The following CAMKMT variants were observed in gnomAD, a reference collection of about 807,000 sequenced individuals.
The protein encoded by CAMKMT is CaM KMT.
A neutral mutation model predicts 48.0 loss-of-function variants in CAMKMT; 53 were observed. That is an observed-to-expected ratio of 1.10 (90% CI 0.89 to 1.39). The LOEUF is 1.39. Ranked by LOEUF, CAMKMT falls within the 40% of genes most tolerant of loss-of-function variation. The pLI, the probability that CAMKMT is intolerant of heterozygous loss-of-function variation, is 0.00. For synonymous variants in CAMKMT, 165 were observed against 152.3 expected (o/e 1.08, Z -0.61); for missense variants, 428 against 402.7 (o/e 1.06, Z -0.54).
chr2:44,619,522 A>G (rs1255283136), intron 3 of CAMKMT, among the ~76,000 whole-genome samples: 1 of 152,186 alleles, frequency 6.6e-6, no homozygotes, highest in Non-Finnish European at 1.5e-5. Context: ...TAAATAATTC[A>G]TGTTTTGTAA....
At chr2:44,552,242 A>G (rs1367770438) in intron 3 of CAMKMT, among the ~76,000 whole-genome samples, 4 of 152,132 alleles carry the variant, frequency 2.6e-5, no homozygotes, top group African/African-American at 4.8e-5. Flanking sequence ...GTTTGAATGT[A>G]TGTTCACAGT....
intron 2 of CAMKMT, among the ~76,000 whole-genome samples, chr2:44,376,217 C>T (rs1021849101): frequency 6.6e-6 from 1 of 151,922 alleles, no homozygotes; most frequent in Non-Finnish European, 1.5e-5. Flanking sequence ...TTGAGACCAG[C>T]CTGGCCAACA....
chr2:44,615,986 G>C (rs533358185), intron 3 of CAMKMT, among the ~76,000 whole-genome samples: 1 of 152,136 alleles, frequency 6.6e-6, no homozygotes, highest in South Asian at 2.1e-4. Flanking sequence ...TCTCCCTCTA[G>C]TTTCCCTAGA....
intron 3 of CAMKMT, among the ~76,000 whole-genome samples, chr2:44,671,511 G>A (rs888107342): frequency 1.3e-5 from 2 of 152,202 alleles, no homozygotes; most frequent in Non-Finnish European, 2.9e-5. Flanking sequence ...GGGCCTGCCC[G>A]GTGCACTGAG....
intron 3 of CAMKMT, among the ~76,000 whole-genome samples, chr2:44,465,606 C>A (rs1382708386): frequency 6.7e-6 from 1 of 150,346 alleles, no homozygotes; most frequent in Non-Finnish European, 1.5e-5. Flanking sequence ...TAAAGGGAGA[C>A]AGCAAGAGAG....
At chr2:44,627,733 G>T (rs1187385837) in intron 3 of CAMKMT, among the ~76,000 whole-genome samples, 3 of 72,842 alleles carry the variant, frequency 4.1e-5, no homozygotes. Flanking sequence ...TTTTTGAGAT[G>T]GAGTCTCACT....
At chr2:44,544,071 A>G (rs532238732) in intron 3 of CAMKMT, among the ~76,000 whole-genome samples, 1 of 152,132 alleles carries the variant, frequency 6.6e-6, no homozygotes, top group Non-Finnish European at 1.5e-5. Flanking sequence ...TTTGAAAAAG[A>G]CGTTTTTGAG....
At chr2:44,631,247 T>C (rs1026062783) in intron 3 of CAMKMT, among the ~76,000 whole-genome samples, 2 of 151,940 alleles carry the variant, frequency 1.3e-5, no homozygotes, top group African/African-American at 2.4e-5. Context: ...GGGACTGTTG[T>C]TGGGTGGGGG....
At position 44,659,450 on chromosome 2, in the gene CAMKMT, C is replaced by T. The variant is rs1318247021; in HGVS notation, c.377-44833C>T. On this transcript the variant is annotated intron_variant, in intron 3 of 10. Transcript: ENST00000378494. ...TCAAGAAAGAAAAAGTGGCGGAGGG[C>T]GGAGTTCAGTGGGTCATGCCTATAA... Among the ~76,000 whole-genome samples the T allele has an allele frequency of 8.0e-5, 12 of 150,574 alleles. No individual in the cohort carries two copies. In the South Asian group the frequency reaches 8.4e-4, roughly 11 times the overall value.
Position 44,585,397 on chromosome 2 carries a change from C to G in CAMKMT, c.377-118886C>G, listed in dbSNP as rs905738282. Among the ~76,000 whole-genome samples, 5 of 152,310 alleles carry G rather than the reference C, an allele frequency of 3.3e-5. No homozygotes were observed. The East Asian group carries it at 7.7e-4, about 23-fold the overall frequency. On this transcript the variant is annotated intron_variant, in intron 3 of 10. Transcript: ENST00000378494. ...TTCAGCCACACATGACATTTTAGCA[C>G]TAACTCAAAGGATGTGGTGTAGGCC...
At chr2:44,481,922 A>G (rs1449747726) in intron 3 of CAMKMT, among the ~76,000 whole-genome samples, 2 of 152,122 alleles carry the variant, frequency 1.3e-5, no homozygotes, top group African/African-American at 2.4e-5. Flanking sequence ...AGAAATTTCA[A>G]TTCCTTGTAA....
intron 3 of CAMKMT, among the ~76,000 whole-genome samples, chr2:44,610,177 CA>C (rs1245710795): frequency 7.2e-5 from 11 of 151,984 alleles, no homozygotes; most frequent in Non-Finnish European, 1.6e-4. Context: ...TATTTAACTG[CA>C]TTGTGTAAGT....
chr2:44,492,318 T>A (rs1183350063), intron 3 of CAMKMT, among the ~76,000 whole-genome samples: 1 of 152,180 alleles, frequency 6.6e-6, no homozygotes, highest in African/African-American at 2.4e-5. Context: ...TTAAAATTGT[T>A]ATCAACTTCC....
Position 44,362,076 on chromosome 2 carries a change from T to C in CAMKMT, c.69T>C (p.Val23=). The change falls in exon 1 of 11, where the codon GTT becomes GTC. Residue 23 remains valine, a synonymous_variant. Transcript: ENST00000378494. ...GAGCAGCGGGCGGGAGTCCGGCAGT[T>C]GGCTGCACCACTCGGGGGCCCGTAG... ...TARAAGGSPA[V]GCTTRGPVVS... The C allele has an allele frequency of 6.9e-7, 1 of 1,452,276 alleles. No individual in the cohort carries two copies. The highest frequency in any genetic ancestry group is 1.4e-5 in the South Asian group (1 of 71,272). 90.0% of individuals were successfully genotyped at this position (1,452,276 alleles called of 1,614,324 possible). A position where few individuals can be genotyped will look rare whatever the true frequency, so the allele number is the denominator to read the frequency against.
At chr2:44,449,383 T>C (rs775946223) in intron 3 of CAMKMT, among the ~76,000 whole-genome samples, 1 of 152,182 alleles carries the variant, frequency 6.6e-6, no homozygotes, top group Non-Finnish European at 1.5e-5. Context: ...TGATAATTTG[T>C]TTAACTGTTT....
intron 3 of CAMKMT, among the ~76,000 whole-genome samples, chr2:44,483,924 GA>G (rs1217053864): frequency 6.6e-6 from 1 of 152,096 alleles, no homozygotes; most frequent in Non-Finnish European, 1.5e-5. Context: ...AGAGAAGTCT[GA>G]ATAATTGACT....
intron 3 of CAMKMT, among the ~76,000 whole-genome samples, chr2:44,446,471 G>A (rs903014132): frequency 2.0e-5 from 3 of 151,934 alleles, no homozygotes; most frequent in East Asian, 1.9e-4. Flanking sequence ...CTCAGTCACC[G>A]AGTAGCTTGG....
intron 3 of CAMKMT, among the ~76,000 whole-genome samples, chr2:44,667,899 T>C (rs1675091550): frequency 6.6e-6 from 1 of 152,180 alleles, no homozygotes; most frequent in Non-Finnish European, 1.5e-5. Flanking sequence ...TCTTCTTCCC[T>C]ATTTAGGTTC....
At chr2:44,598,549 A>T (rs1462172215) in intron 3 of CAMKMT, among the ~76,000 whole-genome samples, 7 of 151,534 alleles carry the variant, frequency 4.6e-5, no homozygotes. Flanking sequence ...CCTGACAAGT[A>T]TGACTTAATC....
Sources: allele counts gnomAD v4.1 joint callset (sites outside exome capture counted in the v4.1 genomes callset), GRCh38; gene constraint gnomAD v4.1.1; transcripts MANE v1.5; gene names NCBI Gene and HGNC (gene_info 2026-07-23, HGNC 2026-07-21).